EML6: variants seen among roughly 807,000 people sequenced by gnomAD.
The protein encoded by EML6 is EMAP like 6, also known as echinoderm microtubule-associated protein-like 6.
In EML6, 154 loss-of-function variants were observed where a neutral mutation model predicts 240.1. The ratio of observed to expected loss-of-function variants is 0.64; its 90% CI spans 0.56 to 0.73. The LOEUF is 0.73. Ranked by LOEUF, EML6 falls within the 30% of genes least tolerant of loss-of-function variation. The pLI, the probability that EML6 is intolerant of heterozygous loss-of-function variation, is 0.00. For synonymous variants in EML6, 1,148 were observed against 899.0 expected, an observed-to-expected ratio of 1.28 and a Z score of -4.95; for missense variants, 2,964 against 2,474.6, an observed-to-expected ratio of 1.20 and a Z score of -4.20.
chr2:54,848,332 G>A (rs1419658408), intron 9 of EML6, among the ~76,000 whole-genome samples: 3 of 152,086 alleles, frequency 2.0e-5, no homozygotes, highest in Admixed American at 6.6e-5. Context: ...TTCCCGCTTT[G>A]CACAGAGAAT....
At chr2:54,913,151 T>C (rs903198678) in intron 25 of EML6, among the ~76,000 whole-genome samples, 1 of 151,488 alleles carries the variant, frequency 6.6e-6, no homozygotes, top group Non-Finnish European at 1.5e-5. Flanking sequence ...TTGATTAGCA[T>C]TTCTCCAATG....
intron 11 of EML6, among the ~76,000 whole-genome samples, chr2:54,855,690 C>T (rs1670338163): frequency 6.6e-6 from 1 of 152,190 alleles, no homozygotes; most frequent in African/African-American, 2.4e-5. Flanking sequence ...CAGCAACCCA[C>T]AGACATATCC....
At position 54,957,905 on chromosome 2, in the gene EML6, C is replaced by T. The variant is rs1217514586; in HGVS notation, c.4602C>T (p.Thr1534=). 7 of 1,551,516 alleles carry T rather than the reference C, an allele frequency of 4.5e-6. No homozygotes were observed. The highest frequency in any genetic ancestry group is 6.1e-6 in the Non-Finnish European group (7 of 1,147,006). ...GGGTCAAACATATGAAGTTCTGGACCCTGGCAGGCAGCGCCTTGCTTTACA... is the reference window on the plus strand; with the variant it reads ...GGGTCAAACATATGAAGTTCTGGACTCTGGCAGGCAGCGCCTTGCTTTACA... ...SVGVKHMKFW[T]LAGSALLYKK... is the part of the protein sequence containing the mutation. The change falls in exon 33 of 42, where the codon ACC becomes ACT. Residue 1534 remains threonine (T), a synonymous_variant. Coordinates refer to ENST00000356458, the MANE Select transcript of EML6 (RefSeq NM_001039753.4).
At chr2:54,892,782 T>G (rs141246596) in intron 19 of EML6, 126 bp downstream of exon 19, 1 of 687,392 alleles carries the variant, frequency 1.5e-6, no homozygotes, top group African/African-American at 1.8e-5. Context: ...GTAGTTGTCA[T>G]AAAGCTCAGT....
chr2:54,916,496 CTTA>C (rs1553414931), intron 25 of EML6, among the ~76,000 whole-genome samples: 3 of 129,082 alleles, frequency 2.3e-5, no homozygotes, highest in Admixed American at 7.6e-5. Context: ...ACTAAAATAC[CTTA>C]TTATTATCAA....
chr2:54,891,400 T>C (rs944216861), intron 18 of EML6, among the ~76,000 whole-genome samples: 1 of 152,240 alleles, frequency 6.6e-6, no homozygotes, highest in Non-Finnish European at 1.5e-5. Flanking sequence ...TAATCATTTT[T>C]ATATTTAGTC....
intron 17 of EML6, among the ~76,000 whole-genome samples, chr2:54,887,092 G>T (rs1315796235): frequency 6.6e-6 from 1 of 152,156 alleles, no homozygotes; most frequent in Non-Finnish European, 1.5e-5. Context: ...CACTTCCCCT[G>T]CACCACCCTT....
intron 21 of EML6, among the ~76,000 whole-genome samples, chr2:54,897,674 A>G (rs1672841371): frequency 6.9e-6 from 1 of 145,860 alleles, no homozygotes; most frequent in African/African-American, 2.6e-5. Flanking sequence ...TTTGCCACCT[A>G]CATGTGTACC....
At chr2:54,921,081 A>G (rs1346621942) in intron 26 of EML6, among the ~76,000 whole-genome samples, 1 of 152,042 alleles carries the variant, frequency 6.6e-6, no homozygotes, top group African/African-American at 2.4e-5. Context: ...CCTTTAAGAT[A>G]AGGAACAAGA....
At chr2:54,870,019 T>G (rs1417560029) in intron 15 of EML6, among the ~76,000 whole-genome samples, 1 of 152,222 alleles carries the variant, frequency 6.6e-6, no homozygotes, top group Non-Finnish European at 1.5e-5. Context: ...TATTTTTAGT[T>G]TTATCTTTTC....
intron 2 of EML6, among the ~76,000 whole-genome samples, chr2:54,784,905 A>G (rs1191292315): frequency 6.6e-6 from 1 of 152,234 alleles, no homozygotes; most frequent in Non-Finnish European, 1.5e-5. Context: ...ATAAGAGTAC[A>G]TCATCTGTTT....
intron 9 of EML6, among the ~76,000 whole-genome samples, chr2:54,847,899 T>C (rs1020046778): frequency 1.3e-5 from 2 of 152,222 alleles, no homozygotes; most frequent in Non-Finnish European, 2.9e-5. Context: ...TCATGTGTCA[T>C]GTGACTTGCT....
At chr2:54,910,125 G>A (rs1178351059) in intron 24 of EML6, among the ~76,000 whole-genome samples, 2 of 152,104 alleles carry the variant, frequency 1.3e-5, no homozygotes, top group Non-Finnish European at 2.9e-5. Context: ...CATGAAACAG[G>A]GTTGGCCATG....
chr2:54,820,412 G>A lies in EML6; in HGVS notation c.475G>A (p.Asp159Asn). Residue 159 changes from aspartate to asparagine, a missense_variant, in exon 5 of 42, where the codon GAT becomes AAT. Coordinates refer to ENST00000356458, the MANE Select transcript of EML6 (RefSeq NM_001039753.4). ...HSDRIFDISW[D>N]PYQPNRVVSC... is the part of the protein sequence containing the mutation. ...TGAACAGATTTTTGATATTTCCTGG[G>A]ATCCATATCAGCCAAACAGAGTGGT... 6.5e-7 allele frequency: 1 copy of A among 1,549,478 alleles called. No homozygotes were observed. Among genetic ancestry groups the A allele is most frequent in the Non-Finnish European group, 8.7e-7 (1 of 1,145,234 alleles).
intron 35 of EML6, among the ~76,000 whole-genome samples, chr2:54,960,606 G>A (rs890359972): frequency 6.6e-6 from 1 of 152,208 alleles, no homozygotes; most frequent in Non-Finnish European, 1.5e-5. Flanking sequence ...ATACATGACA[G>A]TGCCTTTCAT....
At chr2:54,929,944 CA>C (rs1464432088) in intron 28 of EML6, among the ~76,000 whole-genome samples, 1 of 151,928 alleles carries the variant, frequency 6.6e-6, no homozygotes, top group Non-Finnish European at 1.5e-5. Flanking sequence ...TTAAAGTGGC[CA>C]CAAACAGAAA....
chr2:54,811,183 C>G (rs1667825090), intron 2 of EML6, among the ~76,000 whole-genome samples: 1 of 152,154 alleles, frequency 6.6e-6, no homozygotes, highest in Non-Finnish European at 1.5e-5. Flanking sequence ...CAGATCTGTC[C>G]TTACCCCTGC....
chr2:54,895,514 C>A, intron 21 of EML6, 114 bp downstream of exon 21: 2 of 1,043,528 alleles, frequency 1.9e-6, no homozygotes, highest in Non-Finnish European at 2.8e-6. Flanking sequence ...CAGGGTTGCA[C>A]AAGAGTTGAA....
At chr2:54,751,501 G>GA (rs371372340) in intron 2 of EML6, among the ~76,000 whole-genome samples, 124 of 149,378 alleles carry the variant, frequency 8.3e-4, no homozygotes, top group African/African-American at 2.7e-3. Context: ...TCCAGAAAAA[G>GA]AAAAAAAAAT....
Sources: allele counts gnomAD v4.1 joint callset (sites outside exome capture counted in the v4.1 genomes callset), GRCh38; gene constraint gnomAD v4.1.1; transcripts MANE v1.5; gene names NCBI Gene and HGNC (gene_info 2026-07-23, HGNC 2026-07-21).